The following STX18 variants were observed in gnomAD, a reference collection of about 807,000 sequenced individuals.
The protein encoded by STX18 is syntaxin-18.
In STX18, 40 loss-of-function variants were observed where a neutral mutation model predicts 50.1. The ratio of observed to expected loss-of-function variants is 0.80; its 90% CI spans 0.62 to 1.04. The LOEUF is 1.04. Among genes scored for constraint, STX18 ranks in the 50% least tolerant of loss-of-function variants. The pLI, the probability that STX18 is intolerant of heterozygous loss-of-function variation, is 0.00. For missense variants in STX18, 410 were observed against 415.8 expected, an observed-to-expected ratio of 0.99 and a Z score of 0.12; for synonymous variants, 158 against 151.8, an observed-to-expected ratio of 1.04 and a Z score of -0.30.
chr4:4,482,628 C>T (rs143959697), intron 1 of STX18, among the ~76,000 whole-genome samples: 81 of 152,352 alleles, frequency 5.3e-4, no homozygotes, highest in African/African-American at 1.9e-3. Flanking sequence ...CTGCAACCAC[C>T]TGCGTGCCAG....
chr4:4,423,152 T>C (rs1047796555), intron 9 of STX18, among the ~76,000 whole-genome samples: 1 of 152,234 alleles, frequency 6.6e-6, no homozygotes, highest in African/African-American at 2.4e-5. Flanking sequence ...AGAATAACCC[T>C]GCAGGAGTCC....
At chr4:4,446,988 AAAAT>A (rs1367861051) in intron 5 of STX18, among the ~76,000 whole-genome samples, 3 of 152,256 alleles carry the variant, frequency 2.0e-5, no homozygotes, top group African/African-American at 7.2e-5. Flanking sequence ...GTAAGTCTCA[AAAAT>A]AAATGTGTTA....
chr4:4,518,486 C>A lies in STX18; in HGVS notation c.168+23311G>T, dbSNP rs1047453341. Among the ~76,000 whole-genome samples, 5 of 152,118 alleles carry A rather than the reference C, an allele frequency of 3.3e-5. No individual in the cohort carries two copies. In the East Asian group the frequency reaches 9.6e-4, roughly 29 times the overall value. On this transcript the variant is annotated intron_variant, in intron 1 of 10. Transcript: ENST00000306200. ...ACAAGCCAATCTAAATGGTAAAACT[C>A]CTAAGGGAGGAAAGTTTCTCTAAGT...
At chr4:4,461,327 A>G (rs981100841) in intron 2 of STX18, among the ~76,000 whole-genome samples, 6 of 152,206 alleles carry the variant, frequency 3.9e-5, no homozygotes, top group Non-Finnish European at 8.8e-5. Context: ...GATATTGTGG[A>G]AAAAGTCCAT....
At chr4:4,541,203 AG>A (rs1450334698) in intron 1 of STX18, among the ~76,000 whole-genome samples, 3 of 152,224 alleles carry the variant, frequency 2.0e-5, no homozygotes, top group Non-Finnish European at 4.4e-5. Context: ...TCCTGTTCCC[AG>A]GGAGATGAAG....
At chr4:4,431,476 A>C (rs890503510) in intron 7 of STX18, among the ~76,000 whole-genome samples, 4 of 152,050 alleles carry the variant, frequency 2.6e-5, no homozygotes, top group African/African-American at 9.7e-5. Flanking sequence ...GCCTCCCTCC[A>C]GTGGAGTGTA....
intron 1 of STX18, among the ~76,000 whole-genome samples, chr4:4,476,497 T>C (rs1728182702): frequency 6.6e-6 from 1 of 152,214 alleles, no homozygotes; most frequent in Admixed American, 6.5e-5. Flanking sequence ...CCCTCAGTAC[T>C]GTTAAATTAA....
chr4:4,478,544 G>C (rs999024718), intron 1 of STX18: 12 of 152,236 alleles, frequency 7.9e-5, no homozygotes, highest in African/African-American at 2.7e-4. Context: ...GAATAGGGTA[G>C]AGGGCAGAGG....
At chr4:4,466,238 A>G (rs1265790538) in intron 2 of STX18, among the ~76,000 whole-genome samples, 1 of 152,080 alleles carries the variant, frequency 6.6e-6, no homozygotes, top group African/African-American at 2.4e-5. Flanking sequence ...TCAGGATGGA[A>G]GCATGTGAAC....
chr4:4,421,900 T>C (rs1294881948), intron 9 of STX18, among the ~76,000 whole-genome samples: 2 of 152,156 alleles, frequency 1.3e-5, no homozygotes, highest in East Asian at 3.9e-4. Flanking sequence ...AAGCGTGGGA[T>C]AACACAGGGG....
intron 1 of STX18, chr4:4,507,350 A>C: frequency 1.3e-6 from 1 of 749,880 alleles, no homozygotes; most frequent in East Asian, 2.5e-5. Flanking sequence ...GCAGCCAAGG[A>C]AATTGAAGTT....
intron 1 of STX18, among the ~76,000 whole-genome samples, chr4:4,497,484 C>T (rs941767945): frequency 9.9e-5 from 15 of 152,182 alleles, no homozygotes; most frequent in African/African-American, 3.1e-4. Context: ...ATATCACTTA[C>T]GTAACGCTAT....
intron 1 of STX18, among the ~76,000 whole-genome samples, chr4:4,483,078 G>C (rs1428615479): frequency 6.6e-6 from 1 of 152,140 alleles, no homozygotes; most frequent in Non-Finnish European, 1.5e-5. Flanking sequence ...TTACTGCAGA[G>C]AGTCTCAAGT....
chr4:4,421,324 C>CT lies in STX18; in HGVS notation c.832-381dup, dbSNP rs34959206. Among the ~76,000 whole-genome samples the CT allele has an allele frequency of 1.1e-3, 168 of 146,462 alleles. 1 individual carries two copies. The highest frequency in any genetic ancestry group is 3.2e-3 in the East Asian group (16 of 5,012). ...CAGCAACCAAGTGGCAGGACTGAGA[C>CT]TTTTTTTTTTTTTGAGACAGGGCTT... On this transcript the variant is annotated intron_variant, in intron 9 of 10. Transcript: ENST00000306200.
chr4:4,434,858 T>C lies in STX18; in HGVS notation c.614A>G (p.Glu205Gly). Residue 205 changes from glutamate (E) to glycine (G), a missense_variant and splice_region_variant, in exon 7 of 11, where the codon GAA (glutamate) becomes GGA (glycine). By Grantham distance (98) the Glu-to-Gly change is moderately conservative. Coordinates refer to ENST00000306200, the MANE Select transcript of STX18 (RefSeq NM_016930.4). Reference sequence around the variant, plus strand: ...AGGTTGTGTTTCAGCCAAAATTTTTTCTGTTAAAAAAAAAATTGAAAATAG... The same window carrying C: ...AGGTTGTGTTTCAGCCAAAATTTTTCCTGTTAAAAAAAAAATTGAAAATAG... Reference protein sequence around the residue: ...EENPATEERPEKILAETQPEL... With the variant: ...EENPATEERPGKILAETQPEL... 1 of 1,598,832 alleles carries C rather than the reference T, an allele frequency of 6.3e-7. No homozygotes were observed. Among genetic ancestry groups the C allele is most frequent in the Non-Finnish European group, 8.5e-7 (1 of 1,175,922 alleles).
rs1018982339 is a variant in STX18, at chr4:4,438,404, T to C, written c.603A>G (p.Glu201=). Residue 201 remains glutamate (E), a synonymous_variant, in exon 6 of 11, where the codon GAA becomes GAG. Transcript: ENST00000306200. ...SKDSEENPAT[E]ERPEKILAET... ...CATCTCAATTCGTACCTGGACGTTC[T>C]TCAGTGGCAGGGTTTTCTTCAGAGT... 6.2e-7 allele frequency: 1 copy of C among 1,611,168 alleles called. No homozygotes were observed. The highest frequency in any genetic ancestry group is 1.7e-5 in the Admixed American group (1 of 59,580).
chr4:4,522,483 A>G (rs1330389450), intron 1 of STX18, among the ~76,000 whole-genome samples: 2 of 152,240 alleles, frequency 1.3e-5, no homozygotes, highest in Non-Finnish European at 2.9e-5. Flanking sequence ...CAGTAAGTTC[A>G]TATCCCTGAC....
At chr4:4,514,359 T>G (rs914342142) in intron 1 of STX18, among the ~76,000 whole-genome samples, 1 of 152,190 alleles carries the variant, frequency 6.6e-6, no homozygotes, top group Non-Finnish European at 1.5e-5. Flanking sequence ...ATGAATAAAA[T>G]TCATTCTCTC....
intron 1 of STX18, among the ~76,000 whole-genome samples, chr4:4,532,378 A>G (rs1163916719): frequency 1.3e-5 from 2 of 152,226 alleles, no homozygotes; most frequent in Admixed American, 1.3e-4. Context: ...AAATTCCATT[A>G]TAAAATTATA....
Sources: gnomAD v4.1 joint callset for allele counts (sites outside exome capture counted in the v4.1 genomes callset) on GRCh38, gnomAD v4.1.1 for gene constraint, MANE v1.5 for transcripts, NCBI Gene and HGNC (gene_info 2026-07-23, HGNC 2026-07-21) for gene names.